MCCC1: variants seen among roughly 807,000 people sequenced by gnomAD.
MCCC1 encodes methylcrotonoyl-CoA carboxylase subunit alpha, mitochondrial.
Under a neutral mutation model 83.8 loss-of-function variants are expected in MCCC1, and 64 were observed. The observed-to-expected ratio is 0.76, with a 90% CI of 0.62 to 0.94. The LOEUF is 0.94. Ranked by LOEUF, MCCC1 falls within the 40% of genes least tolerant of loss-of-function variation. The pLI, the probability that MCCC1 is intolerant of heterozygous loss-of-function variation, is 0.00. For synonymous variants in MCCC1, 322 were observed against 315.4 expected, an observed-to-expected ratio of 1.02 and a Z score of -0.22; for missense variants, 807 against 904.7, an observed-to-expected ratio of 0.89 and a Z score of 1.39.
Position 183,025,790 on chromosome 3 carries a change from C to T in MCCC1, c.1696G>A (p.Val566Ile), listed in dbSNP as rs1195392904. The T allele has an allele frequency of 1.2e-6, 2 of 1,613,470 alleles. No individual in the cohort carries two copies. Among genetic ancestry groups the T allele is most frequent in the African/African-American group, 1.3e-5 (1 of 74,878 alleles). ...KDGKNNVAIA[V>I]TYNHDGSYSM... Reference sequence around the variant, plus strand: ...TAAGACCCATCATGGTTATACGTTACAGCTATGGCTACATCTTTATGGAAA... The same window carrying T: ...TAAGACCCATCATGGTTATACGTTATAGCTATGGCTACATCTTTATGGAAA... Residue 566 changes from valine to isoleucine, a missense_variant, in exon 15 of 19, where the codon GTA becomes ATA. Transcript: ENST00000265594.
upstream of MCCC1, among the ~76,000 whole-genome samples, chr3:183,102,560 C>T (rs531170875): frequency 6.6e-6 from 1 of 151,892 alleles, no homozygotes; most frequent in Non-Finnish European, 1.5e-5. Context: ...CAAAATCTGA[C>T]CTTCATTCTA....
Position 183,071,372 on chromosome 3 carries a change from A to G in MCCC1, c.492-15T>C, listed in dbSNP as rs1716675463. On this transcript the variant is annotated splice_polypyrimidine_tract_variant and intron_variant, in intron 5 of 18. Coordinates refer to ENST00000265594, the MANE Select transcript of MCCC1 (RefSeq NM_020166.5). ...ATTTGGATGTGCTTTAGAGTGGGAA[A>G]GAAAACAACATGCCCCAAATTCTAC... 6.2e-7 allele frequency: 1 copy of G among 1,614,248 alleles called. No individual in the cohort carries two copies. The highest frequency in any genetic ancestry group is 2.2e-5 in the East Asian group (1 of 44,892).
rs114823535 is a variant in MCCC1 at position 183,033,254 on chromosome 3, G to A, written c.1681+737C>T. ...GTTAAAGAAAATCAGTCACTAAGTC[G>A]AGCCAACTCAAATTAGTTTACAATC... On this transcript the variant is annotated intron_variant, in intron 14 of 18. Transcript: ENST00000265594. 9.1e-4 allele frequency among the ~76,000 whole-genome samples: 139 copies of A among 152,302 alleles called. 2 individuals carry two copies. The highest frequency in any genetic ancestry group is 2.1e-3 in the Admixed American group (32 of 15,296).
chr3:183,034,174 G>A, intron 13 of MCCC1, 97 bp from the exon 14 acceptor site: 1 of 863,422 alleles, frequency 1.2e-6, no homozygotes, highest in Non-Finnish European at 1.9e-6. Flanking sequence ...GTGCTGGCCG[G>A]GCACAGTGGC....
chr3:183,053,539 G>T (rs552803870), intron 8 of MCCC1, among the ~76,000 whole-genome samples: 6 of 151,886 alleles, frequency 4.0e-5, no homozygotes, highest in African/African-American at 1.4e-4. Context: ...AGGCACGGTG[G>T]CTCATGCCTG....
intron 2 of MCCC1, among the ~76,000 whole-genome samples, chr3:183,093,740 T>C (rs937806809): frequency 1.3e-5 from 2 of 152,162 alleles, no homozygotes; most frequent in Non-Finnish European, 2.9e-5. Flanking sequence ...TCACAGGGGC[T>C]GATGGATGAC....
intron 13 of MCCC1, among the ~76,000 whole-genome samples, chr3:183,036,240 T>A (rs1056158370): frequency 9.2e-5 from 14 of 152,120 alleles, no homozygotes; most frequent in African/African-American, 3.4e-4. Context: ...GTAGCCAGGA[T>A]GAACCCCACT....
At chr3:183,044,431 A>G (rs1714364852) in intron 10 of MCCC1, among the ~76,000 whole-genome samples, 1 of 152,250 alleles carries the variant, frequency 6.6e-6, no homozygotes. Flanking sequence ...GGCATGTCAT[A>G]GCAATGCCAA....
At chr3:183,031,808 C>CTT in intron 14 of MCCC1, among the ~76,000 whole-genome samples, 1 of 140,586 alleles carries the variant, frequency 7.1e-6, no homozygotes. Flanking sequence ...CTTCTGGTAT[C>CTT]TTTTTTTTTT....
In MCCC1 at chr3:183,064,524, G is replaced by A. The variant is rs1449602441; in HGVS notation, c.761+6475C>T. Among the ~76,000 whole-genome samples, 1 of 152,146 alleles carries A rather than the reference G, an allele frequency of 6.6e-6. No individual in the cohort carries two copies. The highest frequency in any genetic ancestry group is 1.5e-5 in the Non-Finnish European group (1 of 68,022). ...CCCCGCGCCCCTGCCTGCACCCCGC[G>A]CGCCTGCTCATGGCACGCCACCAGC... On this transcript the variant is annotated intron_variant, in intron 7 of 18. Coordinates refer to ENST00000265594, the MANE Select transcript of MCCC1 (RefSeq NM_020166.5). The surrounding 1 kb of genome is among the most constrained non-coding windows in gnomAD (Gnocchi z 4.5).
chr3:183,049,345 G>A (rs569005492), intron 9 of MCCC1, among the ~76,000 whole-genome samples: 2 of 152,126 alleles, frequency 1.3e-5, no homozygotes, highest in East Asian at 1.9e-4. Flanking sequence ...GCCACAGCGG[G>A]CAGCTCAAAA....
intron 4 of MCCC1, among the ~76,000 whole-genome samples, chr3:183,077,914 CA>C (rs1717198917): frequency 6.6e-6 from 1 of 152,152 alleles, no homozygotes; most frequent in Admixed American, 6.6e-5. Flanking sequence ...CACCTTTATT[CA>C]AAAATCAATT....
intron 8 of MCCC1, among the ~76,000 whole-genome samples, chr3:183,052,718 A>G (rs1055994940): frequency 6.6e-5 from 10 of 151,274 alleles, no homozygotes; most frequent in Non-Finnish European, 1.0e-4. Flanking sequence ...GCTGAGGCAG[A>G]AGAATGGCGT....
rs147598334 is a variant in MCCC1 at position 183,062,647 on chromosome 3, G to A, written c.762-5225C>T. ...TGGGATTACAGGCGTGAGCCACTGT[G>A]CCCAGCCTTGTCTGAGGTCTTAGAA... is the stretch of plus-strand genomic sequence containing the variant. On this transcript the variant is annotated intron_variant, in intron 7 of 18. Coordinates refer to ENST00000265594, the MANE Select transcript of MCCC1 (RefSeq NM_020166.5). 3.6e-3 allele frequency among the ~76,000 whole-genome samples: 541 copies of A among 152,268 alleles called. 3 individuals are homozygous for A. The highest frequency in any genetic ancestry group is 0.012 in the African/African-American group (512 of 41,552).
intron 8 of MCCC1, among the ~76,000 whole-genome samples, chr3:183,053,209 C>T (rs1577298106): frequency 6.6e-6 from 1 of 150,964 alleles, no homozygotes; most frequent in African/African-American, 2.4e-5. Flanking sequence ...GGTGGCTCAC[C>T]CCTGTAATCC....
intron 8 of MCCC1, 95 bp downstream of exon 8, chr3:183,057,216 G>C: frequency 1.0e-6 from 1 of 1,003,298 alleles, no homozygotes; most frequent in South Asian, 1.4e-5. Flanking sequence ...GAGTTTGAGG[G>C]GTGAGAGACA....
intron 17 of MCCC1, chr3:183,017,567 G>C: frequency 3.7e-6 from 2 of 536,424 alleles, no homozygotes; most frequent in Non-Finnish European, 6.6e-6. Context: ...GAGCCCATGT[G>C]GTTGTGCCAT....
At position 183,072,429 on chromosome 3, in the gene MCCC1, T is replaced by A. The variant is rs375326791; in HGVS notation, c.428A>T (p.Lys143Met). Residue 143 changes from lysine (K) to methionine (M), a missense_variant, in exon 5 of 19, where the codon AAG becomes ATG. By Grantham distance (95) the Lys-to-Met change is moderately conservative. Coordinates refer to ENST00000265594, the MANE Select transcript of MCCC1 (RefSeq NM_020166.5). ...SENMEFAELC[K>M]QEGIIFIGPP... Reference sequence around the variant, plus strand: ...GCCTATAAAAATAATTCCTTCTTGCTTACAAAGTTCAGCAAATTCCATGTT... The same window carrying A: ...GCCTATAAAAATAATTCCTTCTTGCATACAAAGTTCAGCAAATTCCATGTT... 62 of 1,613,810 alleles carry A rather than the reference T, an allele frequency of 3.8e-5. No homozygotes were observed. The highest frequency in any genetic ancestry group is 1.3e-4 in the Admixed American group (8 of 59,986).
At chr3:183,079,128 G>T (rs906573830) in intron 4 of MCCC1, among the ~76,000 whole-genome samples, 6 of 152,052 alleles carry the variant, frequency 3.9e-5, no homozygotes, top group Non-Finnish European at 8.8e-5. Flanking sequence ...ATATCATTCC[G>T]CTCCTCATCC....
Sources: gnomAD v4.1 joint callset for allele counts (sites outside exome capture counted in the v4.1 genomes callset) on GRCh38, gnomAD v4.1.1 for gene constraint, Gnocchi (gnomAD v3.1) non-coding constraint, MANE v1.5 for transcripts, NCBI Gene and HGNC (gene_info 2026-07-23, HGNC 2026-07-21) for gene names.